UNC5C: variants seen among roughly 807,000 people sequenced by gnomAD.
UNC5C encodes unc-5 netrin receptor C.
In UNC5C, 47 loss-of-function variants were observed where a neutral mutation model predicts 99.8. That is an observed-to-expected ratio of 0.47 (90% CI 0.37 to 0.60). UNC5C has a LOEUF of 0.60. Among genes scored for constraint, UNC5C ranks in the 20% least tolerant of loss-of-function variants. The pLI is 0.00. For missense variants in UNC5C, 1,062 were observed against 1,165.9 expected (o/e 0.91, Z 1.30); for synonymous variants, 487 against 452.2 (o/e 1.08, Z -0.98).
At chr4:95,211,034 C>T (rs1057410631) in intron 10 of UNC5C, among the ~76,000 whole-genome samples, 7 of 152,172 alleles carry the variant, frequency 4.6e-5, no homozygotes, top group Non-Finnish European at 8.8e-5. Flanking sequence ...TTCTTTCACA[C>T]GATGCTGTAT....
At chr4:95,170,053 G>A (rs1736025872) in intron 15 of UNC5C, 101 bp downstream of exon 15, 2 of 1,450,564 alleles carry the variant, frequency 1.4e-6, no homozygotes, top group Non-Finnish European at 1.9e-6. Context: ...AAATAGATGT[G>A]TGGATGGAAA....
chr4:95,544,680 A>G (rs1723012322), intron 1 of UNC5C, among the ~76,000 whole-genome samples: 1 of 152,204 alleles, frequency 6.6e-6, no homozygotes, highest in Non-Finnish European at 1.5e-5. Flanking sequence ...TTCTAATACC[A>G]TACTCTATCC....
intron 1 of UNC5C, among the ~76,000 whole-genome samples, chr4:95,461,758 C>A (rs764963717): frequency 6.6e-6 from 1 of 152,118 alleles, no homozygotes; most frequent in Non-Finnish European, 1.5e-5. Flanking sequence ...CAGCACCAAC[C>A]GAACCTGGTA....
At chr4:95,405,805 A>G (rs1745817352) in intron 1 of UNC5C, among the ~76,000 whole-genome samples, 1 of 152,148 alleles carries the variant, frequency 6.6e-6, no homozygotes, top group South Asian at 2.1e-4. Context: ...AATTTCTGAT[A>G]TATTTTCTCA....
rs574421593 is a variant in UNC5C at position 95,185,147 on chromosome 4, G to A, written c.2186C>T (p.Pro729Leu). The change falls in exon 13 of 16, where the codon CCT becomes CTT. Residue 729 changes from proline (P) to leucine (L), a missense_variant. By Grantham distance (98) the Pro-to-Leu change is moderately conservative. Around this residue, in one of 3 missense-constraint regions of UNC5C, gnomAD observed 810 missense variants for 854.5 expected, o/e 0.95. Transcript: ENST00000453304. Reference protein sequence around the residue: ...RQMGGQLLEEPKALHFKGSTH... With the variant: ...RQMGGQLLEELKALHFKGSTH... Reference sequence around the variant, plus strand: ...GCTGCCTTTAAAATGAAGAGCCTTAGGTTCTTCTAGGAGCTGTCCTCCCAT... The same window carrying A: ...GCTGCCTTTAAAATGAAGAGCCTTAAGTTCTTCTAGGAGCTGTCCTCCCAT... The A allele has an allele frequency of 1.1e-4, 176 of 1,613,860 alleles. 2 individuals are homozygous for A. In the South Asian group the frequency reaches 1.8e-3, roughly 17 times the overall value.
intron 1 of UNC5C, among the ~76,000 whole-genome samples, chr4:95,368,841 T>C (rs1744657730): frequency 6.6e-6 from 1 of 152,192 alleles, no homozygotes; most frequent in African/African-American, 2.4e-5. Flanking sequence ...TTAAATTTTA[T>C]TGAGGATATA....
intron 14 of UNC5C, among the ~76,000 whole-genome samples, chr4:95,178,805 G>GAAGT (rs1419698587): frequency 1.3e-5 from 2 of 152,200 alleles, no homozygotes; most frequent in African/African-American, 4.8e-5. Flanking sequence ...TGTGGGCATT[G>GAAGT]AAGTCCTGAG....
intron 1 of UNC5C, among the ~76,000 whole-genome samples, chr4:95,488,070 C>T (rs912250659): frequency 1.3e-5 from 2 of 151,672 alleles, no homozygotes; most frequent in African/African-American, 4.8e-5. Context: ...CACACTGGTC[C>T]AATCAACAAA....
At chr4:95,482,037 C>T (rs1024813956) in intron 1 of UNC5C, among the ~76,000 whole-genome samples, 17 of 152,100 alleles carry the variant, frequency 1.1e-4, no homozygotes, top group African/African-American at 3.9e-4. Context: ...AGAGCTTCTG[C>T]ACAGCAAAGA....
chr4:95,245,074 T>A lies in UNC5C; in HGVS notation c.846A>T (p.Lys282Asn). 6.2e-7 allele frequency: 1 copy of A among 1,614,156 alleles called. No individual in the cohort carries two copies. The highest frequency in any genetic ancestry group is 8.5e-7 in the Non-Finnish European group (1 of 1,180,024). Residue 282 changes from lysine to asparagine, a missense_variant, in exon 6 of 16, where the codon AAA becomes AAT. Lys to Asn is a moderately conservative substitution (Grantham distance 94, BLOSUM62 0). Transcript: ENST00000453304. ...CCGGGTTGGTACAAGTCCTTGTACGTTTCTGATACCCTCGTCCACAGCGGC... is the reference window on the plus strand; with the variant it reads ...CCGGGTTGGTACAAGTCCTTGTACGATTCTGATACCCTCGTCCACAGCGGC... ...CNSRCGRGYQ[K>N]RTRTCTNPAP...
chr4:95,440,444 A>G (rs974402181), intron 1 of UNC5C, among the ~76,000 whole-genome samples: 2 of 152,176 alleles, frequency 1.3e-5, no homozygotes, highest in Admixed American at 1.3e-4. Flanking sequence ...ATCATATACC[A>G]TTCAGAGAGG....
At position 95,169,260 on chromosome 4, in the gene UNC5C, A is replaced by T. The variant is rs767501437; in HGVS notation, c.2770T>A (p.Ser924Thr). 2 of 1,614,038 alleles carry T rather than the reference A, an allele frequency of 1.2e-6. No homozygotes were observed. Among genetic ancestry groups the T allele is most frequent in the Non-Finnish European group, 1.7e-6 (2 of 1,180,004 alleles). The change falls in exon 16 of 16, where the codon TCC becomes ACC. Residue 924 changes from serine to threonine, a missense_variant. This residue lies in a region of UNC5C where 810 missense variants were observed against 854.5 expected (regional missense o/e 0.95). Coordinates refer to ENST00000453304, the MANE Select transcript of UNC5C (RefSeq NM_003728.4). Reference sequence around the variant, plus strand: ...TAATACTGCCCTTCTGCTGCTAAGGACACCACCGTTTCATGTCTTCCCATT... The same window carrying T: ...TAATACTGCCCTTCTGCTGCTAAGGTCACCACCGTTTCATGTCTTCCCATT... Reference protein sequence around the residue: ...EEMGRHETVVSLAAEGQY With the variant: ...EEMGRHETVVTLAAEGQY
chr4:95,394,555 T>G (rs6832475), intron 1 of UNC5C, among the ~76,000 whole-genome samples: 15,956 of 152,156 alleles, frequency 0.1, 1,429 homozygotes, highest in African/African-American at 0.24. Context: ...TTCAATTTCG[T>G]GACAAGTACT....
At position 95,455,201 on chromosome 4, in the gene UNC5C, C is replaced by T. The variant is rs554654467; in HGVS notation, c.124+93533G>A. ...TCACAGAGGTCAATATTCAAAGTATCTTTCAAACATTGTAGAAAAGTATGA... is the reference window on the plus strand; with the variant it reads ...TCACAGAGGTCAATATTCAAAGTATTTTTCAAACATTGTAGAAAAGTATGA... On this transcript the variant is annotated intron_variant, in intron 1 of 15. Transcript: ENST00000453304. Among the ~76,000 whole-genome samples, 20 of 152,130 alleles carry T rather than the reference C, an allele frequency of 1.3e-4. No individual in the cohort carries two copies. In the South Asian group the frequency reaches 4.2e-3, roughly 32 times the overall value.
chr4:95,402,013 C>T (rs1000336173), intron 1 of UNC5C, among the ~76,000 whole-genome samples: 1 of 152,174 alleles, frequency 6.6e-6, no homozygotes, highest in Non-Finnish European at 1.5e-5. Flanking sequence ...CAAAATGCTG[C>T]TTCTCCTGTC....
At chr4:95,379,381 A>G (rs1016575291) in intron 1 of UNC5C, among the ~76,000 whole-genome samples, 9 of 152,208 alleles carry the variant, frequency 5.9e-5, no homozygotes, top group Admixed American at 1.3e-4. Context: ...CACTCTATCT[A>G]TAAACTTGCT....
At chr4:95,199,741 T>C (rs1160010341) in intron 12 of UNC5C, among the ~76,000 whole-genome samples, 1 of 152,202 alleles carries the variant, frequency 6.6e-6, no homozygotes, top group Non-Finnish European at 1.5e-5. Context: ...TCAAATATGA[T>C]GTAGGTCTTC....
intron 1 of UNC5C, among the ~76,000 whole-genome samples, chr4:95,406,774 C>G (rs1403407797): frequency 6.6e-6 from 1 of 152,130 alleles, no homozygotes; most frequent in Non-Finnish European, 1.5e-5. Context: ...GAATTAAATT[C>G]AGATTCAAAT....
chr4:95,521,017 G>C (rs922298423), intron 1 of UNC5C, among the ~76,000 whole-genome samples: 2 of 151,828 alleles, frequency 1.3e-5, no homozygotes, highest in Non-Finnish European at 2.9e-5. Flanking sequence ...ATGGGTTCAG[G>C]CTGCTATAAC....
Sources: allele counts gnomAD v4.1 joint callset (sites outside exome capture counted in the v4.1 genomes callset), GRCh38; gene constraint gnomAD v4.1.1; regional missense constraint gnomAD v4.1.1; transcripts MANE v1.5; gene names NCBI Gene and HGNC (gene_info 2026-07-23, HGNC 2026-07-21).